Variants in ATG10 observed in about 807,000 individuals in gnomAD.
The protein encoded by ATG10 is ubiquitin-like-conjugating enzyme ATG10.
In ATG10, 30 loss-of-function variants were observed where a neutral mutation model predicts 32.1. That is an observed-to-expected ratio of 0.94 (90% CI 0.70 to 1.27). The LOEUF is 1.27. Ranked by LOEUF, ATG10 falls within the 50% of genes most tolerant of loss-of-function variation. The pLI, the probability that ATG10 is intolerant of heterozygous loss-of-function variation, is 0.00. For missense variants in ATG10, 233 were observed against 262.3 expected (o/e 0.89, Z 0.77); for synonymous variants, 87 against 91.5 (o/e 0.95, Z 0.28).
intron 3 of ATG10, among the ~76,000 whole-genome samples, chr5:82,080,383 T>A (rs552753076): frequency 2.1e-4 from 32 of 152,254 alleles, no homozygotes; most frequent in Admixed American, 1.6e-3. Context: ...CCCATTTGTC[T>A]ATTTTGGCTT....
At chr5:82,095,497 A>C (rs752787243) in intron 3 of ATG10, among the ~76,000 whole-genome samples, 12 of 152,200 alleles carry the variant, frequency 7.9e-5, no homozygotes, top group Non-Finnish European at 1.8e-4. Flanking sequence ...ATCATGGTGC[A>C]ATTAGCAAAT....
intron 2 of ATG10, among the ~76,000 whole-genome samples, chr5:82,034,013 A>G (rs1762830252): frequency 6.8e-6 from 1 of 146,878 alleles, no homozygotes; most frequent in South Asian, 2.1e-4. Context: ...TATATGTACT[A>G]TATATATACA....
intron 3 of ATG10, among the ~76,000 whole-genome samples, chr5:82,092,354 A>G (rs560876128): frequency 7.9e-5 from 12 of 152,352 alleles, no homozygotes; most frequent in Middle Eastern, 3.4e-3. Context: ...ATAGTATGAA[A>G]TGACAAAGGC....
intron 5 of ATG10, among the ~76,000 whole-genome samples, chr5:82,217,337 T>A (rs1457761038): frequency 6.6e-6 from 1 of 152,152 alleles, no homozygotes; most frequent in Admixed American, 6.5e-5. Flanking sequence ...CAACGAACAT[T>A]GTTAAGCATT....
chr5:82,062,823 G>A (rs887456943), intron 3 of ATG10, among the ~76,000 whole-genome samples: 1 of 152,112 alleles, frequency 6.6e-6, no homozygotes, highest in Non-Finnish European at 1.5e-5. Context: ...CTAAAAAACA[G>A]TGGTAGACTA....
intron 3 of ATG10, among the ~76,000 whole-genome samples, chr5:82,141,020 A>G (rs1189587076): frequency 7.0e-5 from 8 of 113,676 alleles, no homozygotes; most frequent in Non-Finnish European, 1.4e-4. Flanking sequence ...AGATGCTTGA[A>G]GGCAGCATGC....
chr5:82,110,888 A>G (rs1037570795), intron 3 of ATG10, among the ~76,000 whole-genome samples: 3 of 152,050 alleles, frequency 2.0e-5, no homozygotes, highest in Non-Finnish European at 4.4e-5. Context: ...ATAAAAAGGA[A>G]AAGAAACTAA....
intron 3 of ATG10, among the ~76,000 whole-genome samples, chr5:82,063,524 A>T (rs1479162046): frequency 1.3e-5 from 2 of 149,464 alleles, no homozygotes; most frequent in Non-Finnish European, 3.0e-5. Flanking sequence ...ATAGAGTCTC[A>T]CTCTGTTGCC....
At chr5:82,233,741 T>C (rs1188480896) in intron 5 of ATG10, among the ~76,000 whole-genome samples, 1 of 152,164 alleles carries the variant, frequency 6.6e-6, no homozygotes, top group Non-Finnish European at 1.5e-5. Flanking sequence ...CATCTCTCTG[T>C]CCCCAACTTT....
intron 5 of ATG10, among the ~76,000 whole-genome samples, chr5:82,238,713 T>G (rs1746668392): frequency 6.6e-6 from 1 of 152,204 alleles, no homozygotes. Flanking sequence ...GTGTTTAGCA[T>G]GGAATCTTAC....
rs185631267 is a variant in ATG10, at chr5:82,118,188, T to G, written c.217-46211T>G. 5.6e-3 allele frequency among the ~76,000 whole-genome samples: 842 copies of G among 151,340 alleles called. 4 individuals are homozygous for G. Among genetic ancestry groups the G allele is most frequent in the African/African-American group, 0.018 (763 of 41,260 alleles). On this transcript the variant is annotated intron_variant, in intron 3 of 7. Transcript: ENST00000282185. ...GGTTTGGGTGATTGGACAGGTTATA[T>G]TGCCTTTGTAATTACATGTGTAATT...
chr5:82,223,235 G>T (rs781439372), intron 5 of ATG10, among the ~76,000 whole-genome samples: 27 of 152,208 alleles, frequency 1.8e-4, no homozygotes, highest in Non-Finnish European at 3.7e-4. Flanking sequence ...TTAACACTAA[G>T]ATTAGGTCAG....
chr5:82,237,118 C>T (rs1193594729), intron 5 of ATG10, among the ~76,000 whole-genome samples: 3 of 152,074 alleles, frequency 2.0e-5, no homozygotes, highest in African/African-American at 4.8e-5. Flanking sequence ...AATCATTTAA[C>T]ACCAACATCA....
At chr5:82,103,572 C>G (rs774043251) in intron 3 of ATG10, among the ~76,000 whole-genome samples, 46 of 152,064 alleles carry the variant, frequency 3.0e-4, no homozygotes, top group Admixed American at 5.2e-4. Flanking sequence ...TTTCCCCTGC[C>G]CCCAGGGACT....
intron 2 of ATG10, among the ~76,000 whole-genome samples, chr5:81,999,127 TAAAA>T (rs577398547): frequency 2.6e-4 from 25 of 94,806 alleles, no homozygotes; most frequent in Non-Finnish European, 5.0e-4. Context: ...CACTCAGACA[TAAAA>T]AAATCCTCAG....
chr5:82,250,341 T>C (rs527961899), intron 5 of ATG10, among the ~76,000 whole-genome samples: 18 of 152,256 alleles, frequency 1.2e-4, no homozygotes, highest in African/African-American at 3.9e-4. Context: ...TAGGCTGTCA[T>C]AACAAAAATA....
At chr5:82,248,656 G>T (rs1054958466) in intron 5 of ATG10, among the ~76,000 whole-genome samples, 1 of 152,084 alleles carries the variant, frequency 6.6e-6, no homozygotes, top group African/African-American at 2.4e-5. Flanking sequence ...CTGGGGAGAG[G>T]ATTTGCTGAC....
intron 5 of ATG10, among the ~76,000 whole-genome samples, chr5:82,235,302 A>G (rs553658218): frequency 1.3e-5 from 2 of 152,312 alleles, no homozygotes; most frequent in East Asian, 3.9e-4. Context: ...AGTGGGTTCC[A>G]GGAAATGACA....
chr5:82,213,339 G>A (rs1034730171), intron 5 of ATG10, among the ~76,000 whole-genome samples: 3 of 152,096 alleles, frequency 2.0e-5, no homozygotes, highest in Admixed American at 6.6e-5. Flanking sequence ...CTCTTGCCTT[G>A]TCTGTTTCCA....
Sources: allele counts gnomAD v4.1 joint callset (sites outside exome capture counted in the v4.1 genomes callset), GRCh38; gene constraint gnomAD v4.1.1; transcripts MANE v1.5; gene names NCBI Gene and HGNC (gene_info 2026-07-23, HGNC 2026-07-21).